OBI1: variants seen among roughly 807,000 people sequenced by gnomAD.
OBI1 encodes the protein ring finger protein 219.
A neutral mutation model predicts 62.4 loss-of-function variants in OBI1; 59 were observed. The observed-to-expected ratio is 0.95, with a 90% CI of 0.77 to 1.17. OBI1 has a LOEUF of 1.17. Among genes scored for constraint, OBI1 ranks in the 50% most tolerant of loss-of-function variants. The pLI is 0.00. For synonymous variants in OBI1, 302 were observed against 292.8 expected, an observed-to-expected ratio of 1.03 and a Z score of -0.32; for missense variants, 875 against 830.9, an observed-to-expected ratio of 1.05 and a Z score of -0.65.
chr13:78,648,745 C>T (rs552820853), intron 1 of OBI1, among the ~76,000 whole-genome samples: 1 of 152,214 alleles, frequency 6.6e-6, no homozygotes, highest in East Asian at 1.9e-4. Flanking sequence ...GAAACCCCAT[C>T]TCTACTAAAA....
chr13:78,626,151 T>A (rs1200743250), intron 5 of OBI1, among the ~76,000 whole-genome samples: 1 of 152,186 alleles, frequency 6.6e-6, no homozygotes, highest in African/African-American at 2.4e-5. Context: ...CCTCTGTTTC[T>A]CTTTCTAACT....
chr13:78,648,485 C>T (rs1451589754), intron 1 of OBI1, among the ~76,000 whole-genome samples: 1 of 151,650 alleles, frequency 6.6e-6, no homozygotes, highest in African/African-American at 2.4e-5. Context: ...TAAAAGTGTG[C>T]ACATTATATG....
Position 78,659,057 on chromosome 13 carries a change from A to G in OBI1, c.64T>C (p.Leu22=). The G allele has an allele frequency of 1.9e-6, 3 of 1,612,902 alleles. No individual in the cohort carries two copies. Among genetic ancestry groups the G allele is most frequent in the South Asian group, 1.1e-5 (1 of 90,988 alleles). Residue 22 remains leucine (L), a synonymous_variant, in exon 1 of 6, where the codon TTG becomes CTG. Transcript: ENST00000282003. ...LTLPITCHIC[L]GKVRQPVICI... Reference sequence around the variant, plus strand: ...CCACAATCACCCATTACCTTCCCCAAGCAAATGTGGCACGTGATGGGCAGA... The same window carrying G: ...CCACAATCACCCATTACCTTCCCCAGGCAAATGTGGCACGTGATGGGCAGA...
intron 5 of OBI1, among the ~76,000 whole-genome samples, chr13:78,633,765 A>C (rs1875927166): frequency 6.6e-6 from 1 of 152,076 alleles, no homozygotes; most frequent in Admixed American, 6.5e-5. Context: ...ATCTTCTGGA[A>C]TGGAATAAAA....
chr13:78,642,050 G>C, intron 3 of OBI1, 72 bp downstream of exon 3: 1 of 731,284 alleles, frequency 1.4e-6, no homozygotes, highest in Non-Finnish European at 2.4e-6. Flanking sequence ...TAAGAAGTCT[G>C]GGGACTGAGG....
intron 4 of OBI1, among the ~76,000 whole-genome samples, chr13:78,635,932 T>A (rs987566453): frequency 4.6e-5 from 7 of 152,036 alleles, no homozygotes; most frequent in South Asian, 2.1e-4. Flanking sequence ...CCAGCTAATT[T>A]TTGTATTTTA....
At position 78,638,994 on chromosome 13, in the gene OBI1, A is replaced by G; in HGVS notation, c.378T>C (p.Thr126=). Residue 126 remains threonine (T), a synonymous_variant, in exon 4 of 6, where the codon ACT becomes ACC. Coordinates refer to ENST00000282003, the MANE Select transcript of OBI1 (RefSeq NM_024546.4). ...GCACCAAGGTTAAAGGATCCAGAAT[A>G]GTTTTGATCTGTGACTCCAAGCTGA... The part of the protein sequence containing the change: ...KNLSLESQIK[T]ILDPLTLVQG... The G allele has an allele frequency of 6.2e-7, 1 of 1,613,938 alleles. No individual in the cohort carries two copies. The highest frequency in any genetic ancestry group is 8.5e-7 in the Non-Finnish European group (1 of 1,179,886).
At chr13:78,645,432 T>C (rs961654657) in intron 1 of OBI1, among the ~76,000 whole-genome samples, 1 of 152,200 alleles carries the variant, frequency 6.6e-6, no homozygotes, top group Non-Finnish European at 1.5e-5. Context: ...TGTTACAGAA[T>C]AACAGCAACT....
chr13:78,628,282 G>C (rs1875738964), intron 5 of OBI1, among the ~76,000 whole-genome samples: 1 of 152,224 alleles, frequency 6.6e-6, no homozygotes. Flanking sequence ...AAGTAGGCAA[G>C]ATTAGTGTTC....
chr13:78,634,740 C>G lies in OBI1; in HGVS notation c.638+370G>C, dbSNP rs572264150. ...TGTTGTATCTTGCAAAGAGAAAGAA[C>G]TATATGAACATTAACTATTACTAAG... is the stretch of plus-strand genomic sequence containing the variant. On this transcript the variant is annotated intron_variant, in intron 5 of 5. Coordinates refer to ENST00000282003, the MANE Select transcript of OBI1 (RefSeq NM_024546.4). 3.3e-5 allele frequency among the ~76,000 whole-genome samples: 5 copies of G among 152,212 alleles called. No homozygotes were observed. The East Asian group carries it at 7.7e-4, about 24-fold the overall frequency.
Position 78,615,899 on chromosome 13 carries a change from T to G in OBI1, c.1862A>C (p.Glu621Ala), listed in dbSNP as rs1164518433. Residue 621 changes from glutamate (E) to alanine (A), a missense_variant, in exon 6 of 6, where the codon GAA becomes GCA. Transcript: ENST00000282003. ...ATGGAGTGAAAAATCTTCATTCATT[T>G]CTTGGTCAGATGGAGAGAGGAGAAA... ...SFFLLSPSDQ[E>A]MNEDFSLHSS... 1 of 1,614,182 alleles carries G rather than the reference T, an allele frequency of 6.2e-7. No individual in the cohort carries two copies. The highest frequency in any genetic ancestry group is 1.7e-5 in the Admixed American group (1 of 60,020).
At chr13:78,644,435 T>C (rs1593798317) in intron 2 of OBI1, among the ~76,000 whole-genome samples, 1 of 152,204 alleles carries the variant, frequency 6.6e-6, no homozygotes, top group Non-Finnish European at 1.5e-5. Context: ...TTTTAGTTCA[T>C]GCTATTCTCC....
chr13:78,633,695 A>G (rs913226488), intron 5 of OBI1, among the ~76,000 whole-genome samples: 2 of 151,924 alleles, frequency 1.3e-5, no homozygotes, highest in Admixed American at 6.6e-5. Flanking sequence ...TTAAATCCCA[A>G]CTCTTTCTTA....
At chr13:78,620,656 C>G (rs1233691173) in intron 5 of OBI1, 4 of 456,480 alleles carry the variant, frequency 8.8e-6, no homozygotes, top group African/African-American at 4.0e-5. Context: ...CCAAATAGCT[C>G]TAAGAGATAC....
Position 78,614,532 on chromosome 13 carries a change from G to C in OBI1, c.*1048C>G, listed in dbSNP as rs1026934267. On this transcript the variant is annotated 3_prime_UTR_variant, in exon 6 of 6. Transcript: ENST00000282003. ...TCAACACTCTTCACAGAAAAGTTTT[G>C]TCCTACATAAAAGATATTCTATCAG... The C allele has an allele frequency of 6.6e-6, 1 of 152,510 alleles. No homozygotes were observed. The highest frequency in any genetic ancestry group is 1.5e-5 in the Non-Finnish European group (1 of 68,024). 9.4% of individuals were successfully genotyped at this position (152,510 alleles called of 1,614,324 possible).
Position 78,614,504 on chromosome 13 carries a change from CCCT to C in OBI1, c.*1073_*1075del, listed in dbSNP as rs1187990808. ...TGCTTACCTCTTACCTATCTTCACCCCCTCAACACTCTTCACAGAAAAGTTTTG... is the reference window on the plus strand; with the variant it reads ...TGCTTACCTCTTACCTATCTTCACCCCAACACTCTTCACAGAAAAGTTTTG... On this transcript the variant is annotated 3_prime_UTR_variant, in exon 6 of 6. Coordinates refer to ENST00000282003, the MANE Select transcript of OBI1 (RefSeq NM_024546.4). 1.3e-5 allele frequency: 2 copies of C among 152,594 alleles called. No individual in the cohort carries two copies. Among genetic ancestry groups the C allele is most frequent in the African/African-American group, 4.8e-5 (2 of 41,418 alleles). The allele number at this position is 152,594 out of a possible 1,614,324, so 9.5% of individuals were successfully genotyped here. A position where few individuals can be genotyped will look rare whatever the true frequency, so the allele number is the denominator to read the frequency against.
At chr13:78,654,251 GAA>G (rs1308224711) in intron 1 of OBI1, among the ~76,000 whole-genome samples, 2 of 151,988 alleles carry the variant, frequency 1.3e-5, no homozygotes, top group African/African-American at 4.8e-5. Flanking sequence ...TACGATTTTT[GAA>G]TTAACTTATT....
In OBI1 at chr13:78,617,026, C is replaced by T. The variant is rs745701541; in HGVS notation, c.735G>A (p.Lys245=). 2 of 1,613,986 alleles carry T rather than the reference C, an allele frequency of 1.2e-6. No individual in the cohort carries two copies. The highest frequency in any genetic ancestry group is 1.7e-6 in the Non-Finnish European group (2 of 1,179,992). ...RLKKALERSD[K]YIEELESQVA... ...CTTGAGATTCTAGTTCCTCTATATACTTATCACTTCGTTCCAGGGCTTTCT... is the reference window on the plus strand; with the variant it reads ...CTTGAGATTCTAGTTCCTCTATATATTTATCACTTCGTTCCAGGGCTTTCT... The change falls in exon 6 of 6, where the codon AAG becomes AAA. Residue 245 remains lysine, a synonymous_variant. Transcript: ENST00000282003.
At chr13:78,628,295 T>G (rs968888577) in intron 5 of OBI1, among the ~76,000 whole-genome samples, 15 of 152,238 alleles carry the variant, frequency 9.9e-5, no homozygotes, top group African/African-American at 3.4e-4. Context: ...TAGTGTTCGG[T>G]CATATGGAGT....
Sources: allele counts gnomAD v4.1 joint callset (sites outside exome capture counted in the v4.1 genomes callset), GRCh38; gene constraint gnomAD v4.1.1; transcripts MANE v1.5; gene names NCBI Gene and HGNC (gene_info 2026-07-23, HGNC 2026-07-21).